The following TM4SF4 variants were observed in gnomAD, a reference collection of about 807,000 sequenced individuals.
The protein encoded by TM4SF4 is transmembrane 4 L6 family member 4.
In TM4SF4, 24 loss-of-function variants were observed where a neutral mutation model predicts 24.1. The ratio of observed to expected loss-of-function variants is 1.00; its 90% CI spans 0.72 to 1.40. The LOEUF (loss-of-function observed/expected upper bound fraction) is 1.40. Among genes scored for constraint, TM4SF4 ranks in the 40% most tolerant of loss-of-function variants. The pLI, the probability that TM4SF4 is intolerant of heterozygous loss-of-function variation, is 0.00. For synonymous variants in TM4SF4, 113 were observed against 97.0 expected, an observed-to-expected ratio of 1.17 and a Z score of -0.97; for missense variants, 254 against 254.2, an observed-to-expected ratio of 1.00 and a Z score of 0.01.
intron 3 of TM4SF4, among the ~76,000 whole-genome samples, chr3:149,491,566 T>C (rs1375428236): frequency 6.6e-6 from 1 of 150,582 alleles, no homozygotes; most frequent in Non-Finnish European, 1.5e-5. Context: ...TTTATATATG[T>C]GTACATATAT....
chr3:149,480,986 G>C (rs1157822696), intron 2 of TM4SF4, among the ~76,000 whole-genome samples: 1 of 151,946 alleles, frequency 6.6e-6, no homozygotes, highest in African/African-American at 2.4e-5. Context: ...TCAGCCTCCC[G>C]GGTAGCTGGG....
intron 3 of TM4SF4, among the ~76,000 whole-genome samples, chr3:149,498,171 C>A (rs1386155939): frequency 6.6e-6 from 1 of 152,176 alleles, no homozygotes; most frequent in East Asian, 1.9e-4. Context: ...AAATCAGGCT[C>A]TTCCCTTTAG....
At position 149,474,732 on chromosome 3, in the gene TM4SF4, T is replaced by C. The variant is rs996347787; in HGVS notation, c.-146T>C. The C allele has an allele frequency of 4.0e-6, 3 of 745,946 alleles. No homozygotes were observed. The highest frequency in any genetic ancestry group is 1.8e-5 in the African/African-American group (1 of 56,140). 46.2% of individuals were successfully genotyped at this position (745,946 alleles called of 1,614,324 possible). On this transcript the variant is annotated 5_prime_UTR_variant, in exon 1 of 5. Transcript: ENST00000305354. The stretch of plus-strand genomic sequence containing the variant: ...AGCTGAAGCAACTCCAAGGACACAG[T>C]TCACAGAAATTTGGTTCTCAGCCCC...
In TM4SF4 at chr3:149,498,844, C is replaced by T. The variant is rs763560615; in HGVS notation, c.524C>T (p.Ala175Val). Residue 175 changes from alanine (A) to valine (V), a missense_variant, in exon 4 of 5, where the codon GCC becomes GTC. Ala to Val is a moderately conservative substitution (Grantham distance 64). Coordinates refer to ENST00000305354, the MANE Select transcript of TM4SF4 (RefSeq NM_004617.4). ...GGAGGAATCCAGATGGTTCTCTGCG[C>T]CATCCAGGTGGTCAATGGCCTCCTG... is the stretch of plus-strand genomic sequence containing the variant. ...VVGGIQMVLC[A>V]IQVVNGLLGT... 4 of 1,613,886 alleles carry T rather than the reference C, an allele frequency of 2.5e-6. No individual in the cohort carries two copies. The highest frequency in any genetic ancestry group is 3.4e-6 in the Non-Finnish European group (4 of 1,179,884).
At chr3:149,500,056 T>G (rs1165931092) in intron 4 of TM4SF4, among the ~76,000 whole-genome samples, 8 of 152,150 alleles carry the variant, frequency 5.3e-5, no homozygotes, top group Admixed American at 5.2e-4. Context: ...CTAGGTAAGG[T>G]TACCTAATTT....
chr3:149,499,007 G>T (rs879334245), intron 4 of TM4SF4, 96 bp downstream of exon 4: 5 of 1,320,852 alleles, frequency 3.8e-6, no homozygotes, highest in Admixed American at 2.0e-5. Context: ...AGCACTGAAG[G>T]AATGAGGGGG....
intron 3 of TM4SF4, among the ~76,000 whole-genome samples, chr3:149,488,177 G>A (rs1450975402): frequency 6.6e-6 from 1 of 152,086 alleles, no homozygotes; most frequent in Non-Finnish European, 1.5e-5. Context: ...ACCCCAAATT[G>A]CCTATAATTA....
At chr3:149,483,642 C>T (rs536940457) in intron 2 of TM4SF4, among the ~76,000 whole-genome samples, 1 of 152,036 alleles carries the variant, frequency 6.6e-6, no homozygotes, top group South Asian at 2.1e-4. Context: ...CTTATTTTCC[C>T]ATAAAGAAAC....
At position 149,487,669 on chromosome 3, in the gene TM4SF4, C is replaced by A; in HGVS notation, c.315C>A (p.Tyr105Ter). 1 of 1,613,982 alleles carries A rather than the reference C, an allele frequency of 6.2e-7. No individual in the cohort carries two copies. Among genetic ancestry groups the A allele is most frequent in the Non-Finnish European group, 8.5e-7 (1 of 1,179,878 alleles). Residue 105 changes from tyrosine (Y) to a stop codon, truncating the protein, a stop_gained, in exon 3 of 5, where the codon TAC (tyrosine) becomes TAA (stop). Transcript: ENST00000305354. LOFTEE classifies it high-confidence loss of function. Reference sequence around the variant, plus strand: ...TGGTTGGATTCTTGGGAGCTGGATACTCGTTTATCATCTCAGCCATTTCAA... The same window carrying A: ...TGGTTGGATTCTTGGGAGCTGGATAATCGTTTATCATCTCAGCCATTTCAA... ...FAVVGFLGAGYSFIISAISIN... is the reference protein window; with the variant it reads ...FAVVGFLGAG
chr3:149,498,411 G>C (rs527781819), intron 3 of TM4SF4, among the ~76,000 whole-genome samples: 7 of 152,274 alleles, frequency 4.6e-5, no homozygotes, highest in African/African-American at 1.7e-4. Context: ...TGTGACCTGG[G>C]AGAAAGTAAC....
At chr3:149,502,611 A>G in intron 4 of TM4SF4, 65 bp from the exon 5 acceptor site, 1 of 1,123,312 alleles carries the variant, frequency 8.9e-7, no homozygotes, top group Non-Finnish European at 1.4e-6. Context: ...GATGGGAAGG[A>G]GGGGAAAAGC....
chr3:149,475,624 T>G (rs1364240866), intron 1 of TM4SF4, among the ~76,000 whole-genome samples, 199 bp from the exon 2 acceptor site: 2 of 152,196 alleles, frequency 1.3e-5, no homozygotes, highest in Non-Finnish European at 2.9e-5. Context: ...CTTGCCTCAT[T>G]GAAGCTGGTT....
chr3:149,492,430 T>C (rs1052000290), intron 3 of TM4SF4, among the ~76,000 whole-genome samples: 9 of 152,142 alleles, frequency 5.9e-5, no homozygotes, highest in South Asian at 4.1e-4. Context: ...CATTTTGAAA[T>C]ATACCCTCTT....
At position 149,474,857 on chromosome 3, in the gene TM4SF4, C is replaced by T. The variant is rs917058313; in HGVS notation, c.-21C>T. Reference sequence around the variant, plus strand: ...GCAGTGAGGAGCTTTTGATTGCTGACCTGTGTCGTACCACCCCAGAATGTG... The same window carrying T: ...GCAGTGAGGAGCTTTTGATTGCTGATCTGTGTCGTACCACCCCAGAATGTG... On this transcript the variant is annotated 5_prime_UTR_variant, in exon 1 of 5. Coordinates refer to ENST00000305354, the MANE Select transcript of TM4SF4 (RefSeq NM_004617.4). 2 of 1,598,524 alleles carry T rather than the reference C, an allele frequency of 1.3e-6. No individual in the cohort carries two copies. The highest frequency in any genetic ancestry group is 1.7e-6 in the Non-Finnish European group (2 of 1,173,374).
At chr3:149,494,581 G>GGA (rs1553783369) in intron 3 of TM4SF4, 1 of 150,798 alleles carries the variant, frequency 6.6e-6, no homozygotes, top group Non-Finnish European at 1.5e-5. Context: ...TTTCATGTTG[G>GGA]AAAAAAAAAG....
At chr3:149,500,106 T>G (rs1290765337) in intron 4 of TM4SF4, among the ~76,000 whole-genome samples, 1 of 152,148 alleles carries the variant, frequency 6.6e-6, no homozygotes, top group East Asian at 1.9e-4. Flanking sequence ...TATTATTTTA[T>G]TCTCCCTATC....
intron 3 of TM4SF4, chr3:149,495,131 A>T: frequency 4.0e-6 from 1 of 248,432 alleles, no homozygotes; most frequent in Non-Finnish European, 8.1e-6. Context: ...CTCTACAGCC[A>T]GAAGAGACAT....
intron 3 of TM4SF4, among the ~76,000 whole-genome samples, chr3:149,491,118 AG>A (rs1464002952): frequency 6.6e-6 from 1 of 151,800 alleles, no homozygotes; most frequent in Admixed American, 6.6e-5. Flanking sequence ...TAATTTTCCC[AG>A]GGCTCCATGG....
At chr3:149,483,946 A>G (rs912180253) in intron 2 of TM4SF4, among the ~76,000 whole-genome samples, 5 of 151,828 alleles carry the variant, frequency 3.3e-5, no homozygotes, top group Non-Finnish European at 4.4e-5. Flanking sequence ...ATGCCTGGCT[A>G]ATTTTTGTAG....
Sources: gnomAD v4.1 joint callset for allele counts (sites outside exome capture counted in the v4.1 genomes callset) on GRCh38, gnomAD v4.1.1 for gene constraint, MANE v1.5 for transcripts, NCBI Gene and HGNC (gene_info 2026-07-23, HGNC 2026-07-21) for gene names.